GLIS2: variants seen among roughly 807,000 people sequenced by gnomAD.
GLIS2 encodes the protein GLIS family zinc finger 2, also known as zinc finger protein GLIS2.
Under a neutral mutation model 35.6 loss-of-function variants are expected in GLIS2, and 14 were observed. The ratio of observed to expected loss-of-function variants is 0.39; its 90% confidence interval spans 0.26 to 0.61. The LOEUF is 0.61. Among genes scored for constraint, GLIS2 ranks in the 20% least tolerant of loss-of-function variants. GLIS2 has a pLI of 0.48. For missense variants in GLIS2, 675 were observed against 713.4 expected, an observed-to-expected ratio of 0.95 and a Z score of 0.61; for synonymous variants, 368 against 325.1, an observed-to-expected ratio of 1.13 and a Z score of -1.42.
intron 1 of GLIS2, among the ~76,000 whole-genome samples, chr16:4,327,384 C>G (rs923919221): frequency 3.3e-5 from 5 of 152,272 alleles, no homozygotes; most frequent in African/African-American, 9.6e-5. Flanking sequence ...TCCTTTACCC[C>G]CTCTGGTGTA....
chr16:4,327,566 G>C lies in GLIS2; in HGVS notation c.-66-4649G>C, dbSNP rs577204753. 4.3e-3 allele frequency among the ~76,000 whole-genome samples: 652 copies of C among 152,282 alleles called. 8 individuals carry two copies. Among genetic ancestry groups the C allele is most frequent in the African/African-American group, 0.015 (613 of 41,578 alleles). Reference sequence around the variant, plus strand: ...CCTGGCCTGGCCGGGGACTGCGGGCGGGGGGCCGGGTGGCTCCGCCAGCGC... The same window carrying C: ...CCTGGCCTGGCCGGGGACTGCGGGCCGGGGGCCGGGTGGCTCCGCCAGCGC... On this transcript the variant is annotated intron_variant, in intron 1 of 6. Transcript: ENST00000433375.
Position 4,316,362 on chromosome 16 carries a change from C to G in GLIS2, c.-67+108C>G, listed in dbSNP as rs1446835440. 2.8e-5 allele frequency among the ~76,000 whole-genome samples: 4 copies of G among 141,236 alleles called. No homozygotes were observed. In the East Asian group the frequency reaches 6.6e-4, roughly 23 times the overall value. 92.7% of individuals were successfully genotyped at this position (141,236 alleles called of 152,430 possible). A position where few individuals can be genotyped will look rare whatever the true frequency, so the allele number is the denominator to read the frequency against. Reference sequence around the variant, plus strand: ...GGGCCCGAGGGTCTCCTCCCCCGCTCGCGTCCGCGCCCCGGGCCATTGTGA... The same window carrying G: ...GGGCCCGAGGGTCTCCTCCCCCGCTGGCGTCCGCGCCCCGGGCCATTGTGA... On this transcript the variant is annotated intron_variant, in intron 1 of 6. Coordinates refer to ENST00000433375, the MANE Select transcript of GLIS2 (RefSeq NM_032575.3).
At position 4,339,411 on chromosome 16, in the gene GLIS2, T is replaced by A. The variant is rs1281625091; in HGVS notation, c.*1887T>A. 1 of 152,926 alleles carries A rather than the reference T, an allele frequency of 6.5e-6. No individual in the cohort carries two copies. The highest frequency in any genetic ancestry group is 1.5e-5 in the Non-Finnish European group (1 of 68,228). The allele number at this position is 152,926 out of a possible 1,614,324, so 9.5% of individuals were successfully genotyped here. On this transcript the variant is annotated 3_prime_UTR_variant, in exon 7 of 7. Transcript: ENST00000433375. ...GTTGTCATTGGTGTGTTGTTGCACA[T>A]TCCAGGACGTCAGTATTTTAACAGG...
At chr16:4,324,523 T>C (rs768555923) in intron 1 of GLIS2, 2 of 152,440 alleles carry the variant, frequency 1.3e-5, no homozygotes, top group Non-Finnish European at 2.9e-5. Context: ...GGCTGGCAGG[T>C]GGCAGAGCCC....
At chr16:4,315,714 C>T (rs1239277607), upstream of GLIS2, among the ~76,000 whole-genome samples, 1 of 150,498 alleles carries the variant, frequency 6.6e-6, no homozygotes, top group East Asian at 2.0e-4. Flanking sequence ...GCGCGCGGCT[C>T]GGCGCCCCAC....
chr16:4,318,732 G>A (rs34371799), intron 1 of GLIS2, among the ~76,000 whole-genome samples: 3,382 of 152,326 alleles, frequency 0.022, 54 homozygotes, highest in Admixed American at 0.047. Flanking sequence ...GGCCCCGGGC[G>A]GTGGGAGTGT....
intron 1 of GLIS2, among the ~76,000 whole-genome samples, chr16:4,321,317 G>C (rs1224049221): frequency 2.6e-5 from 4 of 152,182 alleles, no homozygotes; most frequent in Non-Finnish European, 4.4e-5. Flanking sequence ...TCTATGTCAG[G>C]AGACCAGCCC....
At chr16:4,321,683 A>G (rs2053381444) in intron 1 of GLIS2, among the ~76,000 whole-genome samples, 1 of 152,054 alleles carries the variant, frequency 6.6e-6, no homozygotes, top group African/African-American at 2.4e-5. Context: ...GGCCGTGGGA[A>G]CTGGGGCAGG....
chr16:4,320,636 G>T lies in GLIS2; in HGVS notation c.-67+4382G>T, dbSNP rs1289272768. ...CTGGAAGAAGCCTCTCCCCTTCCCT[G>T]CATCGTCTGCCTGGGGCTGTCTAGC... On this transcript the variant is annotated intron_variant, in intron 1 of 6. Coordinates refer to ENST00000433375, the MANE Select transcript of GLIS2 (RefSeq NM_032575.3). The surrounding 1 kb of genome is among the most constrained non-coding windows in gnomAD (Gnocchi z 5.6). 1.3e-5 allele frequency among the ~76,000 whole-genome samples: 2 copies of T among 152,136 alleles called. No homozygotes were observed. The highest frequency in any genetic ancestry group is 2.9e-5 in the Non-Finnish European group (2 of 68,010).
chr16:4,327,115 A>G (rs557323903), intron 1 of GLIS2, among the ~76,000 whole-genome samples: 58 of 151,628 alleles, frequency 3.8e-4, no homozygotes, highest in African/African-American at 1.4e-3. Flanking sequence ...GCTGGTGTAG[A>G]ACTCCTGCAC....
intron 1 of GLIS2, among the ~76,000 whole-genome samples, chr16:4,316,563 G>A (rs2053315281): frequency 6.6e-6 from 1 of 151,946 alleles, no homozygotes; most frequent in African/African-American, 2.4e-5. Context: ...CTTCAGCTGG[G>A]AAGTTGGGCG....
intron 1 of GLIS2, among the ~76,000 whole-genome samples, chr16:4,322,317 C>T (rs1189713708): frequency 6.6e-6 from 1 of 152,172 alleles, no homozygotes; most frequent in Admixed American, 6.5e-5. Context: ...GCCTCCTCGT[C>T]TACTCCATGA....
chr16:4,334,823 T>G lies in GLIS2; in HGVS notation c.368T>G (p.Leu123Trp). ...CAGGACTTCCAGCCACTGCGCTATTTGGATGGTGTCCCCAGCTCCTTCCAG... is the reference window on the plus strand; with the variant it reads ...CAGGACTTCCAGCCACTGCGCTATTGGGATGGTGTCCCCAGCTCCTTCCAG... ...SASDFQPLRY[L>W]DGVPSSFQFF... Residue 123 changes from leucine to tryptophan, a missense_variant, in exon 4 of 7, where the codon TTG (leucine) becomes TGG (tryptophan). By Grantham distance (61) the Leu-to-Trp change is moderately conservative. Around this residue, in one of 3 missense-constraint regions of GLIS2, gnomAD observed 225 missense variants for 238.7 expected, o/e 0.94. Transcript: ENST00000433375. The G allele has an allele frequency of 6.2e-7, 1 of 1,613,462 alleles. No homozygotes were observed. The highest frequency in any genetic ancestry group is 8.5e-7 in the Non-Finnish European group (1 of 1,179,994).
rs551112290 is a variant in GLIS2, at chr16:4,338,186, A to G, written c.*662A>G. 6.4e-6 allele frequency: 1 copy of G among 155,080 alleles called. No individual in the cohort carries two copies. The highest frequency in any genetic ancestry group is 2.4e-5 in the African/African-American group (1 of 41,560). The allele number at this position is 155,080 out of a possible 1,614,324, so 9.6% of individuals were successfully genotyped here. A position where few individuals can be genotyped will look rare whatever the true frequency, so the allele number is the denominator to read the frequency against. Reference sequence around the variant, plus strand: ...CCTCACCCCAGGCCAGGCCTGCAGTACCAGACGGGATAGCTGGCCACTCCA... The same window carrying G: ...CCTCACCCCAGGCCAGGCCTGCAGTGCCAGACGGGATAGCTGGCCACTCCA... On this transcript the variant is annotated 3_prime_UTR_variant, in exon 7 of 7. Coordinates refer to ENST00000433375, the MANE Select transcript of GLIS2 (RefSeq NM_032575.3).
At position 4,337,803 on chromosome 16, in the gene GLIS2, C is replaced by A. The variant is rs765956048; in HGVS notation, c.*279C>A. On this transcript the variant is annotated 3_prime_UTR_variant, in exon 7 of 7. Transcript: ENST00000433375. Reference sequence around the variant, plus strand: ...GGCCCTCAGCTTCTGAGAGGCTTTCCCCTGCCCGACCTCCTCCCGTTTCCC... The same window carrying A: ...GGCCCTCAGCTTCTGAGAGGCTTTCACCTGCCCGACCTCCTCCCGTTTCCC... The A allele has an allele frequency of 8.7e-6, 5 of 575,912 alleles. No homozygotes were observed. Among genetic ancestry groups the A allele is most frequent in the African/African-American group, 3.7e-5 (2 of 53,430 alleles). 35.7% of individuals were successfully genotyped at this position (575,912 alleles called of 1,614,324 possible).
intron 1 of GLIS2, chr16:4,331,421 G>A (rs2053494866): frequency 6.6e-6 from 1 of 152,268 alleles, no homozygotes; most frequent in Non-Finnish European, 1.5e-5. Context: ...TAGAAACTAT[G>A]CTAATGACTG....
At chr16:4,330,990 T>G (rs1160784345) in intron 1 of GLIS2, among the ~76,000 whole-genome samples, 2 of 152,150 alleles carry the variant, frequency 1.3e-5, no homozygotes, top group East Asian at 3.9e-4. Context: ...TGTTTGTTTG[T>G]TTTTGAGACG....
At chr16:4,328,791 C>T (rs575510311) in intron 1 of GLIS2, among the ~76,000 whole-genome samples, 1 of 152,212 alleles carries the variant, frequency 6.6e-6, no homozygotes, top group African/African-American at 2.4e-5. Context: ...GAAGTGTCCC[C>T]TGCAGGCCCT....
intron 1 of GLIS2, among the ~76,000 whole-genome samples, chr16:4,317,167 G>A (rs1433488574): frequency 6.6e-6 from 1 of 152,154 alleles, no homozygotes; most frequent in Non-Finnish European, 1.5e-5. Flanking sequence ...GCCCAGCCCT[G>A]CCCTGGGGCC....
Sources: gnomAD v4.1 joint callset for allele counts (sites outside exome capture counted in the v4.1 genomes callset) on GRCh38, gnomAD v4.1.1 for gene constraint, gnomAD v4.1.1 regional missense constraint, Gnocchi (gnomAD v3.1) non-coding constraint, MANE v1.5 for transcripts, NCBI Gene and HGNC (gene_info 2026-07-23, HGNC 2026-07-21) for gene names.